KIRREL3: variants seen among roughly 807,000 people sequenced by gnomAD.
The protein encoded by KIRREL3 is kin of IRRE-like protein 3.
Under a neutral mutation model 89.7 loss-of-function variants are expected in KIRREL3, and 36 were observed. The ratio of observed to expected loss-of-function variants is 0.40; its 90% CI spans 0.31 to 0.53. KIRREL3 has a LOEUF of 0.53. KIRREL3 is among the 20% of genes least tolerant of loss of function. The pLI is 0.49. For missense variants in KIRREL3, 864 were observed against 1,056.6 expected, an observed-to-expected ratio of 0.82 and a Z score of 2.53; for synonymous variants, 445 against 441.4, an observed-to-expected ratio of 1.01 and a Z score of -0.10.
intron 10 of KIRREL3, among the ~76,000 whole-genome samples, chr11:126,442,105 T>C (rs537385193): frequency 2.1e-3 from 313 of 151,988 alleles, no homozygotes; most frequent in African/African-American, 7.2e-3. Context: ...ACCCCGTCTG[T>C]ACTAAAAATA....
intron 5 of KIRREL3, among the ~76,000 whole-genome samples, chr11:126,466,962 G>A (rs759561793): frequency 6.6e-5 from 10 of 152,212 alleles, no homozygotes; most frequent in Non-Finnish European, 1.2e-4. Context: ...CCCCCGGCTC[G>A]CCCAGGTTGC....
intron 1 of KIRREL3, among the ~76,000 whole-genome samples, chr11:126,858,385 G>A (rs1198910208): frequency 6.6e-6 from 1 of 152,212 alleles, no homozygotes; most frequent in Non-Finnish European, 1.5e-5. Flanking sequence ...AAGGGTGTGT[G>A]TGGGAGGGAC....
rs778995628 is a variant in KIRREL3 at position 126,579,220 on chromosome 11, C to T, written c.56-16308G>A. The stretch of plus-strand genomic sequence containing the variant: ...TGGTGCGGGCCCCAGGGAGTTCCAC[C>T]AAGAGCCTTAGGATTTATCATGTGG... On this transcript the variant is annotated intron_variant, in intron 1 of 16. Coordinates refer to ENST00000525144, the MANE Select transcript of KIRREL3 (RefSeq NM_032531.4). This position sits in a 1 kb window ranked among gnomAD's most constrained non-coding sequence, Gnocchi z 5.3. Among the ~76,000 whole-genome samples, 1 of 152,148 alleles carries T rather than the reference C, an allele frequency of 6.6e-6. No individual in the cohort carries two copies. The highest frequency in any genetic ancestry group is 2.4e-5 in the African/African-American group (1 of 41,426).
chr11:126,956,859 C>T (rs1207514457), intron 1 of KIRREL3, among the ~76,000 whole-genome samples: 7 of 152,280 alleles, frequency 4.6e-5, no homozygotes, highest in Admixed American at 6.5e-5. Context: ...TTTTTACAAC[C>T]GCTGCCAGGC....
Position 126,679,601 on chromosome 11 carries a change from T to C in KIRREL3, c.56-116689A>G, listed in dbSNP as rs1591946098. Among the ~76,000 whole-genome samples the C allele has an allele frequency of 2.0e-5, 3 of 152,292 alleles. No individual in the cohort carries two copies. The East Asian group carries it at 5.8e-4, about 29-fold the overall frequency. On this transcript the variant is annotated intron_variant, in intron 1 of 16. Transcript: ENST00000525144. ...AGAGTTATTACTATTAATCATAATA[T>C]TGTGACTTTGTAGACAGTTCATCTC...
intron 1 of KIRREL3, among the ~76,000 whole-genome samples, chr11:126,923,167 CT>C (rs1947453401): frequency 3.9e-5 from 1 of 25,510 alleles, no homozygotes; most frequent in Non-Finnish European, 7.3e-5. Flanking sequence ...TCTTCTTCTT[CT>C]TCTTCTTCTC....
In KIRREL3 at chr11:126,570,661, T is replaced by A. The variant is rs1940855665; in HGVS notation, c.56-7749A>T. Among the ~76,000 whole-genome samples, 1 of 152,166 alleles carries A rather than the reference T, an allele frequency of 6.6e-6. No individual in the cohort carries two copies. Among genetic ancestry groups the A allele is most frequent in the South Asian group, 2.1e-4 (1 of 4,834 alleles). Reference sequence around the variant, plus strand: ...GCCAGCCCTGCCTTCTCCAGCCTGCTCCAGCCATGCCATTATTTGGCTGGC... The same window carrying A: ...GCCAGCCCTGCCTTCTCCAGCCTGCACCAGCCATGCCATTATTTGGCTGGC... On this transcript the variant is annotated intron_variant, in intron 1 of 16. Coordinates refer to ENST00000525144, the MANE Select transcript of KIRREL3 (RefSeq NM_032531.4). The surrounding 1 kb of genome is among the most constrained non-coding windows in gnomAD (Gnocchi z 6.1).
At chr11:126,425,493 C>G in intron 16 of KIRREL3, 145 bp downstream of exon 16, 1 of 687,292 alleles carries the variant, frequency 1.5e-6, no homozygotes, top group African/African-American at 1.8e-5. Context: ...GTGCCTTAGG[C>G]AGGGACGGGC....
intron 1 of KIRREL3, among the ~76,000 whole-genome samples, chr11:126,756,894 C>T (rs1949520507): frequency 6.6e-6 from 1 of 152,180 alleles, no homozygotes; most frequent in African/African-American, 2.4e-5. Flanking sequence ...GGACAGAAGT[C>T]CATTTCTCGA....
chr11:126,809,734 C>A (rs942658769), intron 1 of KIRREL3, among the ~76,000 whole-genome samples: 2 of 152,158 alleles, frequency 1.3e-5, no homozygotes, highest in African/African-American at 4.8e-5. Flanking sequence ...TTGCTATCAT[C>A]CCTGCCTCTA....
rs961129838 is a variant in KIRREL3, at chr11:126,805,989, C to T, written c.55+194466G>A. On this transcript the variant is annotated intron_variant, in intron 1 of 16. Transcript: ENST00000525144. The surrounding 1 kb of genome is among the most constrained non-coding windows in gnomAD (Gnocchi z 4.3). Reference sequence around the variant, plus strand: ...CAAATCCTCCCTTCAATGACATCAACAAATTTAAAAAATCCACACCAAATC... The same window carrying T: ...CAAATCCTCCCTTCAATGACATCAATAAATTTAAAAAATCCACACCAAATC... Among the ~76,000 whole-genome samples the T allele has an allele frequency of 2.0e-5, 3 of 152,156 alleles. No homozygotes were observed. Among genetic ancestry groups the T allele is most frequent in the Non-Finnish European group, 4.4e-5 (3 of 68,024 alleles).
In KIRREL3 at chr11:126,999,149, A is replaced by AGTGTGT. The variant is rs56695003; in HGVS notation, c.55+1300_55+1305dup. On this transcript the variant is annotated intron_variant, in intron 1 of 16. Coordinates refer to ENST00000525144, the MANE Select transcript of KIRREL3 (RefSeq NM_032531.4). This position sits in a 1 kb window ranked among gnomAD's most constrained non-coding sequence, Gnocchi z 5.7. ...AAGCACACAACCATATGAATACATG[A>AGTGTGT]GTGTGTGTGTGTGTGTGTGTGTACA... Among the ~76,000 whole-genome samples, 22,409 of 141,244 alleles carry AGTGTGT rather than the reference A, an allele frequency of 0.16. 2,052 individuals carry two copies. The highest frequency in any genetic ancestry group is 0.26 in the African/African-American group (10,371 of 39,550). 92.7% of individuals were successfully genotyped at this position (141,244 alleles called of 152,430 possible).
chr11:126,444,616 A>T (rs1286169722), intron 10 of KIRREL3, among the ~76,000 whole-genome samples: 4 of 152,182 alleles, frequency 2.6e-5, no homozygotes, highest in African/African-American at 9.7e-5. Context: ...CCAACAAAAA[A>T]TTCTCACGGG....
rs1957476867 is a variant in KIRREL3 at position 126,490,268 on chromosome 11, GTA to G, written c.434-16804_434-16803del. 6.6e-6 allele frequency among the ~76,000 whole-genome samples: 1 copy of G among 152,086 alleles called. No individual in the cohort carries two copies. The highest frequency in any genetic ancestry group is 6.6e-5 in the Admixed American group (1 of 15,264). On this transcript the variant is annotated intron_variant, in intron 4 of 16. Transcript: ENST00000525144. This position sits in a 1 kb window ranked among gnomAD's most constrained non-coding sequence, Gnocchi z 4.2. ...GAGGCAAGGCAGCTTTACTTTCTGT[GTA>G]TGTTTATTTTAGACTCCCATTAGCA...
Position 126,684,345 on chromosome 11 carries a change from C to A in KIRREL3, c.56-121433G>T, listed in dbSNP as rs1280950302. 1.3e-5 allele frequency among the ~76,000 whole-genome samples: 2 copies of A among 152,210 alleles called. No homozygotes were observed. Among genetic ancestry groups the A allele is most frequent in the Non-Finnish European group, 2.9e-5 (2 of 68,030 alleles). Reference sequence around the variant, plus strand: ...TGCTGATATTTTGAACAGCAGAATCCTTATCACAAAGCCAATGGAAACAAA... The same window carrying A: ...TGCTGATATTTTGAACAGCAGAATCATTATCACAAAGCCAATGGAAACAAA... On this transcript the variant is annotated intron_variant, in intron 1 of 16. Coordinates refer to ENST00000525144, the MANE Select transcript of KIRREL3 (RefSeq NM_032531.4). The surrounding 1 kb of genome is among the most constrained non-coding windows in gnomAD (Gnocchi z 4.2).
chr11:126,732,977 T>C (rs981234103), intron 1 of KIRREL3, among the ~76,000 whole-genome samples: 1 of 152,198 alleles, frequency 6.6e-6, no homozygotes, highest in African/African-American at 2.4e-5. Context: ...TGAAATGCAA[T>C]GTGGAAGGAG....
chr11:126,529,452 G>T (rs1026805259), intron 2 of KIRREL3, among the ~76,000 whole-genome samples: 32 of 152,246 alleles, frequency 2.1e-4, no homozygotes, highest in Non-Finnish European at 4.3e-4. Context: ...GGAGCCTGAT[G>T]GGATGGGGCT....
Position 126,443,075 on chromosome 11 carries a change from T to C in KIRREL3, c.1252+1904A>G, listed in dbSNP as rs938469980. Among the ~76,000 whole-genome samples the C allele has an allele frequency of 6.6e-5, 10 of 152,198 alleles. No homozygotes were observed. The highest frequency in any genetic ancestry group is 2.1e-4 in the South Asian group (1 of 4,832). ...TCAAGAAATCTCTTTAAATCTCCCT[T>C]GGAAATGTCTGAACGTCTAAAGTGA... is the stretch of plus-strand genomic sequence containing the variant. On this transcript the variant is annotated intron_variant, in intron 10 of 16. Coordinates refer to ENST00000525144, the MANE Select transcript of KIRREL3 (RefSeq NM_032531.4). This position sits in a 1 kb window ranked among gnomAD's most constrained non-coding sequence, Gnocchi z 7.3.
Position 126,821,351 on chromosome 11 carries a change from A to ATATATATATATATATATATATATATGTG in KIRREL3, c.55+179103_55+179104insCACATATATATATATATATATATATATA, listed in dbSNP as rs756545626. 2.2e-3 allele frequency among the ~76,000 whole-genome samples: 228 copies of ATATATATATATATATATATATATATGTG among 105,034 alleles called. 4 individuals carry two copies. The highest frequency in any genetic ancestry group is 2.6e-3 in the Non-Finnish European group (137 of 53,372). 68.9% of individuals were successfully genotyped at this position (105,034 alleles called of 152,430 possible). On this transcript the variant is annotated intron_variant, in intron 1 of 16. Coordinates refer to ENST00000525144, the MANE Select transcript of KIRREL3 (RefSeq NM_032531.4). ...ACAGTATATATATATATATATATAT[A>ATATATATATATATATATATATATATGTG]TGTAACTTCCAACCAACATCCCTTC...
Sources: allele counts gnomAD v4.1 joint callset (sites outside exome capture counted in the v4.1 genomes callset), GRCh38; gene constraint gnomAD v4.1.1; non-coding constraint Gnocchi (gnomAD v3.1); transcripts MANE v1.5; gene names NCBI Gene and HGNC (gene_info 2026-07-23, HGNC 2026-07-21).